LPIN1: variants seen among roughly 807,000 people sequenced by gnomAD.
LPIN1 encodes lipin 1.
A neutral mutation model predicts 107.5 loss-of-function variants in LPIN1; 71 were observed. That is an observed-to-expected ratio of 0.66 (90% CI 0.55 to 0.80). The LOEUF is 0.80. LPIN1 is among the 30% of genes least tolerant of loss of function. The pLI, the probability that LPIN1 is intolerant of heterozygous loss-of-function variation, is 0.00. For missense variants in LPIN1, 1,043 were observed against 1,160.6 expected (o/e 0.90, Z 1.47); for synonymous variants, 445 against 452.6 (o/e 0.98, Z 0.21).
At chr2:11,783,350 A>T (rs1373953367) in intron 8 of LPIN1, among the ~76,000 whole-genome samples, 3 of 152,186 alleles carry the variant, frequency 2.0e-5, no homozygotes, top group African/African-American at 7.2e-5. Context: ...TGCTCAGTAC[A>T]CTTCAGGCAC....
chr2:11,757,320 T>A (rs1483811082), intron 1 of LPIN1, among the ~76,000 whole-genome samples: 1 of 152,168 alleles, frequency 6.6e-6, no homozygotes, highest in Non-Finnish European at 1.5e-5. Flanking sequence ...CACTGCTTGA[T>A]CACGTGTTTT....
In LPIN1 at chr2:11,765,399, A is replaced by T. The variant is rs1670685100; in HGVS notation, c.-9-134A>T. ...GATGGGCTATGGGGGTGGATAGAACACATTCCGGAAATGAGAGGAGCTGAA... is the reference window on the plus strand; with the variant it reads ...GATGGGCTATGGGGGTGGATAGAACTCATTCCGGAAATGAGAGGAGCTGAA... On this transcript the variant is annotated intron_variant, in intron 1 of 20. Coordinates refer to ENST00000674199, the MANE Select transcript of LPIN1 (RefSeq NM_001349206.2). This position sits in a 1 kb window ranked among gnomAD's most constrained non-coding sequence, Gnocchi z 4.4. 2 of 809,066 alleles carry T rather than the reference A, an allele frequency of 2.5e-6. No individual in the cohort carries two copies. Among genetic ancestry groups the T allele is most frequent in the South Asian group, 3.5e-5 (2 of 57,526 alleles). 50.1% of individuals were successfully genotyped at this position (809,066 alleles called of 1,614,324 possible).
intron 1 of LPIN1, among the ~76,000 whole-genome samples, chr2:11,693,361 C>T (rs779780726): frequency 2.0e-5 from 3 of 152,066 alleles, no homozygotes; most frequent in Admixed American, 1.3e-4. Flanking sequence ...TAACGTGACC[C>T]GGGCACTCTG....
intron 1 of LPIN1, among the ~76,000 whole-genome samples, chr2:11,734,773 C>T (rs1665615643): frequency 6.6e-6 from 1 of 152,144 alleles, no homozygotes; most frequent in Non-Finnish European, 1.5e-5. Flanking sequence ...TACAACATCT[C>T]AAAGGGACAG....
At chr2:11,796,400 C>A (rs958074992) in intron 14 of LPIN1, among the ~76,000 whole-genome samples, 1 of 152,138 alleles carries the variant, frequency 6.6e-6, no homozygotes, top group Non-Finnish European at 1.5e-5. Flanking sequence ...GTGTCTTAAA[C>A]AATTTTACAT....
chr2:11,755,967 C>T (rs974560457), intron 1 of LPIN1, among the ~76,000 whole-genome samples: 5 of 152,118 alleles, frequency 3.3e-5, no homozygotes, highest in Middle Eastern at 3.2e-3. Context: ...ATGATCTGCC[C>T]GCCTTGGCCT....
intron 6 of LPIN1, among the ~76,000 whole-genome samples, chr2:11,777,860 C>T (rs567903672): frequency 7.2e-5 from 11 of 152,266 alleles, no homozygotes; most frequent in African/African-American, 2.6e-4. Context: ...TTTTTAGATA[C>T]TTTGAGGTTT....
intron 1 of LPIN1, among the ~76,000 whole-genome samples, chr2:11,693,142 A>G (rs73179361): frequency 0.13 from 19,652 of 151,734 alleles, 3,791 homozygotes; most frequent in African/African-American, 0.42. Context: ...CTCGTCCTCA[A>G]GGTCCCAGCA....
At chr2:11,772,525 T>G (rs1672020233) in intron 4 of LPIN1, among the ~76,000 whole-genome samples, 1 of 152,218 alleles carries the variant, frequency 6.6e-6, no homozygotes. Flanking sequence ...ACAACTGGGC[T>G]GATTTATAGG....
intron 17 of LPIN1, among the ~76,000 whole-genome samples, chr2:11,807,513 T>G (rs1467829055): frequency 9.3e-6 from 1 of 107,636 alleles, no homozygotes; most frequent in Non-Finnish European, 2.4e-5. Context: ...TGCTTTTTAA[T>G]TTTTTTTTTT....
At chr2:11,733,690 C>T (rs535602192) in intron 1 of LPIN1, among the ~76,000 whole-genome samples, 86 of 152,206 alleles carry the variant, frequency 5.7e-4, no homozygotes, top group Admixed American at 2.4e-3. Context: ...CAGGGTTTTG[C>T]CATGTTGCCC....
At position 11,815,072 on chromosome 2, in the gene LPIN1, G is replaced by A. The variant is rs565560865; in HGVS notation, c.2250-16G>A. The A allele has an allele frequency of 3.1e-6, 5 of 1,613,306 alleles. No individual in the cohort carries two copies. Among genetic ancestry groups the A allele is most frequent in the South Asian group, 1.1e-5 (1 of 91,084 alleles). ...TTTTCTGATGCCATGAAATGTGAAT[G>A]TTTTATGTCTTTCAGGAATGGATAT... On this transcript the variant is annotated splice_polypyrimidine_tract_variant and intron_variant, in intron 17 of 20. Transcript: ENST00000674199.
intron 1 of LPIN1, among the ~76,000 whole-genome samples, chr2:11,726,465 G>A (rs62113265): frequency 0.063 from 9,530 of 152,032 alleles, 393 homozygotes; most frequent in Middle Eastern, 0.14. Flanking sequence ...TCCCAGCCAC[G>A]CTCTCCCCCG....
At chr2:11,783,077 C>T (rs1483947851) in intron 8 of LPIN1, among the ~76,000 whole-genome samples, 1 of 152,316 alleles carries the variant, frequency 6.6e-6, no homozygotes, top group East Asian at 1.9e-4. Context: ...TTAATGCACT[C>T]CTGGCTGTGT....
At chr2:11,713,910 C>T (rs1663563607) in intron 2 of LPIN1, 2 of 823,172 alleles carry the variant, frequency 2.4e-6, no homozygotes, top group East Asian at 2.7e-5. Context: ...CCATGGCTAT[C>T]TGCAGTCTCC....
intron 1 of LPIN1, among the ~76,000 whole-genome samples, chr2:11,688,554 T>TG (rs1036119305): frequency 1.3e-5 from 2 of 152,174 alleles, no homozygotes; most frequent in African/African-American, 4.8e-5. Flanking sequence ...AGAAACATCT[T>TG]GCGGTCGCTC....
At chr2:11,759,769 G>GC (rs1258783776) in intron 1 of LPIN1, among the ~76,000 whole-genome samples, 20 of 149,094 alleles carry the variant, frequency 1.3e-4, no homozygotes, top group Middle Eastern at 3.5e-3. Flanking sequence ...GGGCAGAGGC[G>GC]CCCCCCACCT....
chr2:11,734,046 C>T (rs1665538085), intron 1 of LPIN1, among the ~76,000 whole-genome samples: 1 of 152,202 alleles, frequency 6.6e-6, no homozygotes, highest in Admixed American at 6.5e-5. Context: ...TCCCGTACCA[C>T]ACTTGATGAT....
chr2:11,764,868 T>C (rs1172463844), intron 1 of LPIN1, among the ~76,000 whole-genome samples: 2 of 151,980 alleles, frequency 1.3e-5, no homozygotes, highest in Non-Finnish European at 2.9e-5. Context: ...GTGGCAGTGG[T>C]CCTAAGGACA....
Sources: allele counts gnomAD v4.1 joint callset (sites outside exome capture counted in the v4.1 genomes callset), GRCh38; gene constraint gnomAD v4.1.1; non-coding constraint Gnocchi (gnomAD v3.1); transcripts MANE v1.5; gene names NCBI Gene and HGNC (gene_info 2026-07-23, HGNC 2026-07-21).